The following SLC9C1 variants were observed in gnomAD, a reference collection of about 807,000 sequenced individuals.
The protein encoded by SLC9C1 is solute carrier family 9 member C1, also known as sodium/hydrogen exchanger 10.
Under a neutral mutation model 140.9 loss-of-function variants are expected in SLC9C1, and 97 were observed. The ratio of observed to expected loss-of-function variants is 0.69; its 90% CI spans 0.58 to 0.82. The LOEUF (loss-of-function observed/expected upper bound fraction) is 0.82. Ranked by LOEUF, SLC9C1 falls within the 40% of genes least tolerant of loss-of-function variation. The pLI is 0.00. For synonymous variants in SLC9C1, 440 were observed against 442.6 expected, an observed-to-expected ratio of 0.99 and a Z score of 0.07; for missense variants, 1,340 against 1,389.3, an observed-to-expected ratio of 0.96 and a Z score of 0.56.
chr3:112,272,189 C>T (rs528431086), intron 6 of SLC9C1, among the ~76,000 whole-genome samples: 1 of 152,280 alleles, frequency 6.6e-6, no homozygotes, highest in South Asian at 2.1e-4. Context: ...TGGAGGCTAA[C>T]TCTAGTTGCA....
rs1184095523 is a variant in SLC9C1, at chr3:112,182,206, G to A, written c.2576C>T (p.Pro859Leu). Reference protein sequence around the residue: ...EVLDSQSIIRPLTVEEVLYHI... With the variant: ...EVLDSQSIIRLLTVEEVLYHI... ...ATATAGAACTTCTTCAACAGTAAGA[G>A]GCCTGATAATAGATTGAGAATCAAG... Residue 859 changes from proline to leucine, a missense_variant, in exon 21 of 29, where the codon CCT becomes CTT. By Grantham distance (98) the Pro-to-Leu change is moderately conservative. Transcript: ENST00000305815. 6.2e-7 allele frequency: 1 copy of A among 1,607,346 alleles called. No homozygotes were observed. Among genetic ancestry groups the A allele is most frequent in the Non-Finnish European group, 8.5e-7 (1 of 1,176,930 alleles).
At chr3:112,210,639 T>G (rs1456750575) in intron 15 of SLC9C1, among the ~76,000 whole-genome samples, 1 of 152,226 alleles carries the variant, frequency 6.6e-6, no homozygotes, top group Non-Finnish European at 1.5e-5. Context: ...ATGGTTAACT[T>G]ATGTATATGA....
intron 20 of SLC9C1, among the ~76,000 whole-genome samples, chr3:112,197,812 G>A (rs2077805019): frequency 6.6e-6 from 1 of 152,110 alleles, no homozygotes; most frequent in Non-Finnish European, 1.5e-5. Flanking sequence ...CTGACATGGT[G>A]TGAATTTTAA....
intron 15 of SLC9C1, among the ~76,000 whole-genome samples, chr3:112,215,054 C>T (rs1453386503): frequency 3.3e-5 from 5 of 152,168 alleles, no homozygotes; most frequent in African/African-American, 1.2e-4. Flanking sequence ...TCTGGTTCAA[C>T]ATACACAAAT....
chr3:112,280,757 A>C lies in SLC9C1; in HGVS notation c.115T>G (p.Phe39Val). The change falls in exon 3 of 29, where the codon TTT becomes GTT. Residue 39 changes from phenylalanine to valine, a missense_variant. Phe to Val is a conservative substitution (Grantham distance 50, BLOSUM62 -1). Transcript: ENST00000305815. ...AATATCACAGGGACAGGAATTGGAA[A>C]GTCTTCCAAGTGCCGGTTCAAAAAT... ...GAFLNRHLED[F>V]PIPVPVILFL... The C allele has an allele frequency of 6.2e-7, 1 of 1,611,414 alleles. No homozygotes were observed. The highest frequency in any genetic ancestry group is 8.5e-7 in the Non-Finnish European group (1 of 1,179,318).
Position 112,168,943 on chromosome 3 carries a change from A to C in SLC9C1, c.3171T>G (p.Ala1057=), listed in dbSNP as rs777629782. 5.1e-5 allele frequency: 82 copies of C among 1,610,802 alleles called. No individual in the cohort carries two copies. The highest frequency in any genetic ancestry group is 7.0e-5 in the Non-Finnish European group (82 of 1,179,160). ...NLIYVILIHG[A]VEDCLLRKTY... ...TTTTTCGTAACAGACAATCTTCTAC[A>C]GCTCCATGTATGAGGATAACATAGA... Residue 1057 remains alanine (A), a synonymous_variant, in exon 25 of 29, where the codon GCT becomes GCG. Transcript: ENST00000305815.
chr3:112,257,947 C>T (rs2079655796), intron 10 of SLC9C1, among the ~76,000 whole-genome samples: 1 of 152,134 alleles, frequency 6.6e-6, no homozygotes, highest in Non-Finnish European at 1.5e-5. Flanking sequence ...TTAAAAAGCT[C>T]AGTATCATTG....
intron 1 of SLC9C1, among the ~76,000 whole-genome samples, chr3:112,288,559 C>T (rs1297939781): frequency 6.6e-6 from 1 of 152,150 alleles, no homozygotes; most frequent in Non-Finnish European, 1.5e-5. Flanking sequence ...GAATTCAAGA[C>T]CAGGCTGGGC....
At chr3:112,223,791 TA>T (rs1366003676) in intron 13 of SLC9C1, among the ~76,000 whole-genome samples, 1 of 152,206 alleles carries the variant, frequency 6.6e-6, no homozygotes, top group Non-Finnish European at 1.5e-5. Flanking sequence ...GAGCACCTAC[TA>T]TGTACTACAC....
intron 10 of SLC9C1, among the ~76,000 whole-genome samples, chr3:112,253,527 A>T (rs2079521643): frequency 6.6e-6 from 1 of 152,200 alleles, no homozygotes; most frequent in African/African-American, 2.4e-5. Context: ...TCACTAACAT[A>T]TCTGCCCTGT....
rs1281017114 is a variant in SLC9C1, at chr3:112,189,501, G to T, written c.2524-7243C>A. 3.9e-5 allele frequency among the ~76,000 whole-genome samples: 6 copies of T among 152,148 alleles called. No homozygotes were observed. In the East Asian group the frequency reaches 5.8e-4, roughly 15 times the overall value. ...TTAAATAGGGAATCCTTTCCCCATT[G>T]CTTGTTTTTCTCAGGTTTGTCAAAG... On this transcript the variant is annotated intron_variant, in intron 20 of 28. Transcript: ENST00000305815.
chr3:112,290,317 T>A (rs146793592), intron 1 of SLC9C1, among the ~76,000 whole-genome samples: 7 of 152,340 alleles, frequency 4.6e-5, no homozygotes, highest in African/African-American at 1.7e-4. Flanking sequence ...AGCATTTTTA[T>A]CATTTCTAAA....
At chr3:112,275,477 A>G (rs528169906) in intron 5 of SLC9C1, among the ~76,000 whole-genome samples, 7 of 152,274 alleles carry the variant, frequency 4.6e-5, no homozygotes, top group Non-Finnish European at 7.4e-5. Flanking sequence ...ATTCTTCCCA[A>G]TGGTTTTAGA....
At chr3:112,196,957 T>A (rs1222461599) in intron 20 of SLC9C1, among the ~76,000 whole-genome samples, 2 of 148,336 alleles carry the variant, frequency 1.3e-5, no homozygotes, top group African/African-American at 4.9e-5. Context: ...CCTTGTGATT[T>A]AAAAAAAAAA....
chr3:112,200,292 G>T (rs971575296), intron 19 of SLC9C1, among the ~76,000 whole-genome samples: 5 of 152,092 alleles, frequency 3.3e-5, no homozygotes, highest in Non-Finnish European at 7.4e-5. Context: ...CTGCAAGATT[G>T]TATTCTAATT....
intron 1 of SLC9C1, among the ~76,000 whole-genome samples, chr3:112,289,666 A>G (rs2080621171): frequency 6.6e-6 from 1 of 152,210 alleles, no homozygotes; most frequent in South Asian, 2.1e-4. Context: ...CTGGAGCAAC[A>G]TACTGAGTCC....
At chr3:112,207,628 C>G (rs2078090906) in intron 16 of SLC9C1, among the ~76,000 whole-genome samples, 1 of 152,108 alleles carries the variant, frequency 6.6e-6, no homozygotes, top group Non-Finnish European at 1.5e-5. Context: ...GGTGTTGTTT[C>G]TATGTTTTCC....
At chr3:112,284,552 G>A (rs192277732) in intron 2 of SLC9C1, among the ~76,000 whole-genome samples, 2 of 152,228 alleles carry the variant, frequency 1.3e-5, no homozygotes, top group African/African-American at 2.4e-5. Context: ...CGCTGCTGCT[G>A]TTCAAGAGGC....
At chr3:112,263,725 C>A (rs1198529631) in intron 9 of SLC9C1, among the ~76,000 whole-genome samples, 1 of 151,812 alleles carries the variant, frequency 6.6e-6, no homozygotes, top group East Asian at 1.9e-4. Context: ...TATGCTATCT[C>A]CTTTTCAGCT....
Sources: gnomAD v4.1 joint callset for allele counts (sites outside exome capture counted in the v4.1 genomes callset) on GRCh38, gnomAD v4.1.1 for gene constraint, MANE v1.5 for transcripts, NCBI Gene and HGNC (gene_info 2026-07-23, HGNC 2026-07-21) for gene names.